The following WDR7 variants were observed in gnomAD, a reference collection of about 807,000 sequenced individuals.
The protein encoded by WDR7 is WD repeat-containing protein 7.
WDR7 carries 46 observed loss-of-function variants against 169.4 expected under a neutral mutation model. The ratio of observed to expected loss-of-function variants is 0.27; its 90% CI spans 0.21 to 0.35. The LOEUF (loss-of-function observed/expected upper bound fraction) is 0.35, where lower values mean the gene tolerates loss of function less well. WDR7 is among the 10% of genes least tolerant of loss of function. The probability of loss-of-function intolerance (pLI) is 1.00; values close to 1 mark genes in which losing one functional copy is unlikely to be tolerated. For missense variants in WDR7, 1,534 were observed against 1,859.3 expected, an observed-to-expected ratio of 0.83 and a Z score of 3.22; for synonymous variants, 612 against 666.8, an observed-to-expected ratio of 0.92 and a Z score of 1.27.
chr18:56,952,718 CCT>C (rs1464036823), intron 25 of WDR7, among the ~76,000 whole-genome samples: 1 of 152,148 alleles, frequency 6.6e-6, no homozygotes, highest in Non-Finnish European at 1.5e-5. Flanking sequence ...AAGCATATTA[CCT>C]CTCTTACATT....
In WDR7 at chr18:56,776,877, G is replaced by A; in HGVS notation, c.2944G>A (p.Glu982Lys). The A allele has an allele frequency of 6.2e-7, 1 of 1,611,714 alleles. No individual in the cohort carries two copies. Among genetic ancestry groups the A allele is most frequent in the African/African-American group, 1.3e-5 (1 of 74,970 alleles). ...TTTACATACCTGTTTCTTAGTAAAT[G>A]AAGGTATCTCTCTCAACTTCTAACA... The part of the protein sequence containing the change: ...PALHTCFLVN[E>K]GWSQLAAMHC... The change falls in exon 17 of 28, where the codon GAA becomes AAA. Residue 982 changes from glutamate (E) to lysine (K), a missense_variant. Glu to Lys is a moderately conservative substitution (Grantham distance 56). Coordinates refer to ENST00000254442, the MANE Select transcript of WDR7 (RefSeq NM_015285.3).
At chr18:57,022,868 G>A (rs76922028) in intron 27 of WDR7, among the ~76,000 whole-genome samples, 5,707 of 152,286 alleles carry the variant, frequency 0.037, 131 homozygotes, top group Non-Finnish European at 0.053. Flanking sequence ...TTTGCCAAGC[G>A]CACTCACATC....
At position 56,929,560 on chromosome 18, in the gene WDR7, G is replaced by A. The variant is rs574724410; in HGVS notation, c.3713+5452G>A. The stretch of plus-strand genomic sequence containing the variant: ...TAGACAGATTAAACAACTTGGCTGA[G>A]GTCACAGTGGTACTCTAAGAGCCAA... On this transcript the variant is annotated intron_variant, in intron 22 of 27. Transcript: ENST00000254442. Among the ~76,000 whole-genome samples, 4 of 152,294 alleles carry A rather than the reference G, an allele frequency of 2.6e-5. No homozygotes were observed. The East Asian group carries it at 7.7e-4, about 29-fold the overall frequency.
intron 20 of WDR7, among the ~76,000 whole-genome samples, chr18:56,828,382 A>G (rs2045248461): frequency 6.6e-6 from 1 of 152,218 alleles, no homozygotes; most frequent in Non-Finnish European, 1.5e-5. Flanking sequence ...GTTAATTTGC[A>G]TATGCATAGC....
intron 13 of WDR7, among the ~76,000 whole-genome samples, chr18:56,730,249 A>G (rs1017837217): frequency 8.5e-5 from 13 of 152,214 alleles, no homozygotes; most frequent in Admixed American, 3.3e-4. Context: ...AACTTTAAAC[A>G]CATAGTATGT....
intron 26 of WDR7, among the ~76,000 whole-genome samples, chr18:56,987,334 C>A (rs1034718495): frequency 1.4e-5 from 2 of 146,402 alleles, no homozygotes; most frequent in African/African-American, 2.5e-5. Context: ...TCAAAAACTT[C>A]CATCCTCACA....
intron 13 of WDR7, among the ~76,000 whole-genome samples, chr18:56,730,224 G>C (rs890619961): frequency 5.3e-5 from 8 of 152,122 alleles, no homozygotes; most frequent in Non-Finnish European, 1.2e-4. Flanking sequence ...AGAGAGGCAG[G>C]TCAAAAATAA....
At chr18:56,936,625 C>A (rs138480818) in intron 23 of WDR7, among the ~76,000 whole-genome samples, 2 of 152,194 alleles carry the variant, frequency 1.3e-5, no homozygotes, top group East Asian at 3.9e-4. Context: ...TAATAAATTA[C>A]CTCTGAGTCT....
chr18:56,880,420 G>T (rs1054046188), intron 21 of WDR7, among the ~76,000 whole-genome samples: 1 of 152,040 alleles, frequency 6.6e-6, no homozygotes, highest in African/African-American at 2.4e-5. Context: ...TGCATTGTTC[G>T]TCAAGATTTT....
At chr18:56,861,002 A>G (rs773987042) in intron 20 of WDR7, among the ~76,000 whole-genome samples, 2 of 152,120 alleles carry the variant, frequency 1.3e-5, no homozygotes, top group Non-Finnish European at 2.9e-5. Context: ...CTCTATTTCT[A>G]TGTTAACTGT....
chr18:56,815,049 C>T (rs1257688114), intron 19 of WDR7, among the ~76,000 whole-genome samples: 3 of 151,976 alleles, frequency 2.0e-5, no homozygotes, highest in Non-Finnish European at 4.4e-5. Context: ...TTTGGTTAAC[C>T]GGAGGTAGCA....
chr18:56,809,965 C>A (rs980183775), intron 19 of WDR7, among the ~76,000 whole-genome samples: 1 of 152,108 alleles, frequency 6.6e-6, no homozygotes, highest in Non-Finnish European at 1.5e-5. Context: ...TAACCCCTGG[C>A]AACCACTGAT....
intron 20 of WDR7, among the ~76,000 whole-genome samples, chr18:56,867,353 A>G (rs928775603): frequency 5.3e-5 from 8 of 152,128 alleles, no homozygotes; most frequent in African/African-American, 1.9e-4. Flanking sequence ...TTTTTTAAAA[A>G]TCTCAGAGCA....
chr18:56,659,978 A>G (rs2024869288), intron 1 of WDR7, among the ~76,000 whole-genome samples: 1 of 152,130 alleles, frequency 6.6e-6, no homozygotes, highest in Non-Finnish European at 1.5e-5. Context: ...CTGATTGAGA[A>G]TAGGGTGGTT....
At chr18:57,014,890 G>C (rs1001446713) in intron 26 of WDR7, among the ~76,000 whole-genome samples, 2 of 151,822 alleles carry the variant, frequency 1.3e-5, no homozygotes, top group Non-Finnish European at 2.9e-5. Context: ...TAAAAGAGGG[G>C]GCAGGCTGCT....
intron 14 of WDR7, among the ~76,000 whole-genome samples, chr18:56,735,320 G>A (rs1441355756): frequency 6.6e-6 from 1 of 152,126 alleles, no homozygotes; most frequent in Admixed American, 6.5e-5. Flanking sequence ...AGGGGAGAAT[G>A]GCAGTGCTAT....
intron 16 of WDR7, among the ~76,000 whole-genome samples, chr18:56,761,684 T>C (rs964017997): frequency 6.6e-6 from 1 of 151,806 alleles, no homozygotes; most frequent in East Asian, 1.9e-4. Context: ...GTTTTATGTG[T>C]AGAGGTTTTA....
At chr18:57,014,704 A>T (rs2048183484) in intron 26 of WDR7, among the ~76,000 whole-genome samples, 1 of 152,186 alleles carries the variant, frequency 6.6e-6, no homozygotes. Context: ...CATGAGATGT[A>T]GTTGAATAAG....
chr18:56,738,645 T>C (rs2026753581), intron 14 of WDR7, among the ~76,000 whole-genome samples: 1 of 152,188 alleles, frequency 6.6e-6, no homozygotes, highest in South Asian at 2.1e-4. Flanking sequence ...GGTATCATAA[T>C]AGTTACACTC....
Sources: allele counts gnomAD v4.1 joint callset (sites outside exome capture counted in the v4.1 genomes callset), GRCh38; gene constraint gnomAD v4.1.1; transcripts MANE v1.5; gene names NCBI Gene and HGNC (gene_info 2026-07-23, HGNC 2026-07-21).